DGKH: variants seen among roughly 807,000 people sequenced by gnomAD.
The protein encoded by DGKH is diacylglycerol kinase eta.
Under a neutral mutation model 159.3 loss-of-function variants are expected in DGKH, and 90 were observed. That is an observed-to-expected ratio of 0.57 (90% CI 0.48 to 0.67). The LOEUF (loss-of-function observed/expected upper bound fraction) is 0.67, where lower values mean the gene tolerates loss of function less well. DGKH is among the 30% of genes least tolerant of loss of function. The pLI is 0.00. For synonymous variants in DGKH, 536 were observed against 553.8 expected (o/e 0.97, Z 0.45); for missense variants, 1,181 against 1,506.1 (o/e 0.78, Z 3.57).
At chr13:42,075,020 CTAATTGTGTG>C (rs1332901122) in intron 1 of DGKH, among the ~76,000 whole-genome samples, 1 of 152,144 alleles carries the variant, frequency 6.6e-6, no homozygotes, top group Non-Finnish European at 1.5e-5. Context: ...TTTATACTTA[CTAATTGTGTG>C]ATAATAAAGG....
At position 42,109,675 on chromosome 13, in the gene DGKH, T is replaced by C. The variant is rs541765597; in HGVS notation, c.193-17788T>C. On this transcript the variant is annotated intron_variant, in intron 1 of 29. Transcript: ENST00000337343. ...GCCTGTGCGTGCGTGTGTGTGCGTG[T>C]GTGTGTGTGTGTGTGTCTGTTGCTG... 1.7e-4 allele frequency among the ~76,000 whole-genome samples: 26 copies of C among 151,820 alleles called. No homozygotes were observed. In the East Asian group the frequency reaches 2.1e-3, roughly 12 times the overall value.
chr13:42,177,423 A>G (rs918424671), intron 12 of DGKH, among the ~76,000 whole-genome samples: 1 of 152,284 alleles, frequency 6.6e-6, no homozygotes, highest in South Asian at 2.1e-4. Context: ...TTTGTCATCT[A>G]TTCTACTATT....
At chr13:42,170,393 A>G (rs1405846853) in intron 11 of DGKH, among the ~76,000 whole-genome samples, 1 of 152,174 alleles carries the variant, frequency 6.6e-6, no homozygotes, top group Non-Finnish European at 1.5e-5. Flanking sequence ...AATCTGGGCG[A>G]CAGAGTGAGA....
chr13:42,102,090 G>A (rs568446787), intron 1 of DGKH, among the ~76,000 whole-genome samples: 20 of 152,346 alleles, frequency 1.3e-4, no homozygotes, highest in Middle Eastern at 6.8e-3. Flanking sequence ...GATCAAGGCC[G>A]GGGCTGGGAA....
At chr13:42,159,678 T>G (rs1956130479) in intron 6 of DGKH, among the ~76,000 whole-genome samples, 1 of 152,002 alleles carries the variant, frequency 6.6e-6, no homozygotes, top group African/African-American at 2.4e-5. Context: ...GACATTGGGG[T>G]TGCCTCTCAA....
chr13:42,069,473 G>A (rs543767858), intron 1 of DGKH: 13 of 1,550,872 alleles, frequency 8.4e-6, no homozygotes, highest in Admixed American at 6.8e-5. Context: ...GTAGACTCAT[G>A]TTGGAAACTA....
intron 7 of DGKH, 44 bp from the exon 8 acceptor site, chr13:42,165,287 A>G: frequency 9.3e-7 from 1 of 1,072,802 alleles, no homozygotes; most frequent in East Asian, 2.7e-5. Context: ...TAATGGCAGA[A>G]CATTATTTTT....
At chr13:42,058,593 A>G (rs75954430) in intron 1 of DGKH, among the ~76,000 whole-genome samples, 8,266 of 152,254 alleles carry the variant, frequency 0.054, 714 homozygotes, top group African/African-American at 0.19. Context: ...ATTATATTAG[A>G]TGACCTCAGA....
intron 3 of DGKH, among the ~76,000 whole-genome samples, chr13:42,146,753 A>G (rs563394126): frequency 7.2e-5 from 11 of 152,370 alleles, no homozygotes; most frequent in African/African-American, 2.6e-4. Context: ...GTTGTTGTAT[A>G]TGGATAGAAT....
intron 24 of DGKH, among the ~76,000 whole-genome samples, chr13:42,211,717 A>C (rs1382387126): frequency 6.6e-6 from 1 of 152,136 alleles, no homozygotes; most frequent in Admixed American, 6.5e-5. Context: ...AAGAAAAAAA[A>C]GAGGTTTAAT....
intron 7 of DGKH, among the ~76,000 whole-genome samples, chr13:42,162,474 T>C (rs1202632840): frequency 6.6e-6 from 1 of 151,856 alleles, no homozygotes; most frequent in African/African-American, 2.4e-5. Context: ...GATTGCACCA[T>C]TCCACTCCAG....
chr13:42,196,752 A>G (rs896426328), intron 17 of DGKH, among the ~76,000 whole-genome samples: 1 of 152,216 alleles, frequency 6.6e-6, no homozygotes, highest in East Asian at 1.9e-4. Flanking sequence ...TGAATTATCT[A>G]AAAACTTTAA....
intron 1 of DGKH, among the ~76,000 whole-genome samples, chr13:42,086,276 A>C (rs1044442061): frequency 6.6e-6 from 1 of 152,174 alleles, no homozygotes; most frequent in Non-Finnish European, 1.5e-5. Flanking sequence ...TCTTTGTGTC[A>C]ACCTTGTTGC....
At chr13:42,198,428 T>G in intron 17 of DGKH, 50 bp from the exon 18 acceptor site, 1 of 1,535,334 alleles carries the variant, frequency 6.5e-7, no homozygotes, top group Non-Finnish European at 9.0e-7. Context: ...TGGTTCTTTC[T>G]GTGTTTTTTC....
chr13:42,199,343 T>C (rs1271975953), intron 18 of DGKH, among the ~76,000 whole-genome samples: 1 of 152,202 alleles, frequency 6.6e-6, no homozygotes, highest in Non-Finnish European at 1.5e-5. Flanking sequence ...ACACCATAAC[T>C]GTGTGTCTTA....
intron 3 of DGKH, among the ~76,000 whole-genome samples, chr13:42,139,069 G>A (rs1014486704): frequency 2.0e-5 from 3 of 152,056 alleles, no homozygotes; most frequent in East Asian, 1.9e-4. Context: ...TAGTGATATA[G>A]CATCTTTTCC....
intron 1 of DGKH, chr13:42,069,308 G>A: frequency 8.8e-7 from 1 of 1,131,058 alleles, no homozygotes; most frequent in Non-Finnish European, 1.3e-6. Flanking sequence ...TCACAAACTG[G>A]CTGTCCCAAG....
At chr13:42,225,436 G>C in intron 29 of DGKH, 2 of 1,107,482 alleles carry the variant, frequency 1.8e-6, no homozygotes, top group South Asian at 3.3e-5. Flanking sequence ...AGCATGCTTT[G>C]TCAAAATTTG....
intron 1 of DGKH, among the ~76,000 whole-genome samples, chr13:42,043,205 G>GTA (rs1272138135): frequency 4.1e-4 from 62 of 152,000 alleles, no homozygotes; most frequent in South Asian, 1.0e-3. Context: ...ATGTGTGTGT[G>GTA]TATATATATA....
Sources: gnomAD v4.1 joint callset for allele counts (sites outside exome capture counted in the v4.1 genomes callset) on GRCh38, gnomAD v4.1.1 for gene constraint, MANE v1.5 for transcripts, NCBI Gene and HGNC (gene_info 2026-07-23, HGNC 2026-07-21) for gene names.